Variants in ANKRD46 observed in about 807,000 individuals in gnomAD.
ANKRD46 encodes ankyrin repeat domain 46.
In ANKRD46, 13 loss-of-function variants were observed where a neutral mutation model predicts 19.8. The ratio of observed to expected loss-of-function variants is 0.66; its 90% CI spans 0.43 to 1.04. The LOEUF (loss-of-function observed/expected upper bound fraction) is 1.04. ANKRD46 is among the 50% of genes least tolerant of loss of function. ANKRD46 has a pLI of 0.00. For missense variants in ANKRD46, 185 were observed against 274.8 expected (o/e 0.67, Z 2.31); for synonymous variants, 91 against 106.9 (o/e 0.85, Z 0.92).
At position 100,534,720 on chromosome 8, in the gene ANKRD46, T is replaced by G. The variant is rs961465141; in HGVS notation, c.-130-1409A>C. Among the ~76,000 whole-genome samples, 2 of 152,244 alleles carry G rather than the reference T, an allele frequency of 1.3e-5. No homozygotes were observed. The highest frequency in any genetic ancestry group is 4.8e-5 in the African/African-American group (2 of 41,460). On this transcript the variant is annotated intron_variant, in intron 1 of 4. Transcript: ENST00000335659. This position sits in a 1 kb window ranked among gnomAD's most constrained non-coding sequence, Gnocchi z 4.2. Reference sequence around the variant, plus strand: ...TAGTTCATATGGTCATGCCCCCAAATAATCCTAATGTTCTCTTAAATCCAC... The same window carrying G: ...TAGTTCATATGGTCATGCCCCCAAAGAATCCTAATGTTCTCTTAAATCCAC...
At chr8:100,541,935 A>C (rs2130686234) in intron 1 of ANKRD46, among the ~76,000 whole-genome samples, 1 of 152,330 alleles carries the variant, frequency 6.6e-6, no homozygotes, top group African/African-American at 2.4e-5. Flanking sequence ...TAGGAACAAC[A>C]GGCCATACCA....
chr8:100,556,930 A>G (rs1812511606), intron 1 of ANKRD46: 1 of 152,076 alleles, frequency 6.6e-6, no homozygotes, highest in Admixed American at 6.5e-5. Context: ...ATTTCCTTAC[A>G]CTAGATCTCA....
rs115285930 is a variant in ANKRD46, at chr8:100,524,575, A to C, written c.471-1804T>G. ...ATGATGTTTTCAGTGGGAATCTACA[A>C]CACCACAGTAATTTTGGAACACTTG... On this transcript the variant is annotated intron_variant, in intron 4 of 4. Transcript: ENST00000335659. This position sits in a 1 kb window ranked among gnomAD's most constrained non-coding sequence, Gnocchi z 4.3. 6.6e-6 allele frequency among the ~76,000 whole-genome samples: 1 copy of C among 152,188 alleles called. No individual in the cohort carries two copies. The highest frequency in any genetic ancestry group is 1.9e-4 in the East Asian group (1 of 5,188).
intron 2 of ANKRD46, among the ~76,000 whole-genome samples, chr8:100,531,516 A>G (rs1168206395): frequency 6.6e-6 from 1 of 152,162 alleles, no homozygotes; most frequent in African/African-American, 2.4e-5. Context: ...GTGGGCATTA[A>G]CATACACTGA....
rs1247695505 is a variant in ANKRD46, at chr8:100,522,659, C to G, written c.583G>C (p.Val195Leu). The G allele has an allele frequency of 1.2e-6, 2 of 1,614,110 alleles. No individual in the cohort carries two copies. Among genetic ancestry groups the G allele is most frequent in the Non-Finnish European group, 1.7e-6 (2 of 1,180,032 alleles). Residue 195 changes from valine (V) to leucine (L), a missense_variant, in exon 5 of 5, where the codon GTA (valine) becomes CTA (leucine). By Grantham distance (32) the Val-to-Leu change is conservative. Coordinates refer to ENST00000335659, the MANE Select transcript of ANKRD46 (RefSeq NM_001270377.2). Reference sequence around the variant, plus strand: ...GCAATGACGAAGATCAACAGCAATACTCTCCAGAAGCCCAGATCCTCCACA... The same window carrying G: ...GCAATGACGAAGATCAACAGCAATAGTCTCCAGAAGCCCAGATCCTCCACA... ...EFVEDLGFWRVLLLIFVIALL... is the reference protein window; with the variant it reads ...EFVEDLGFWRLLLLIFVIALL...
chr8:100,556,823 T>C (rs1812509696), intron 1 of ANKRD46: 1 of 152,240 alleles, frequency 6.6e-6, no homozygotes, highest in African/African-American at 2.4e-5. Flanking sequence ...CAGTACTCCA[T>C]ACTCGCTTCT....
Position 100,520,889 on chromosome 8 carries a change from T to A in ANKRD46, c.*1666A>T. 1 of 984,164 alleles carries A rather than the reference T, an allele frequency of 1.0e-6. No individual in the cohort carries two copies. The highest frequency in any genetic ancestry group is 1.1e-4 in the East Asian group (1 of 8,818). The allele number at this position is 984,164 out of a possible 1,614,324, so 61.0% of individuals were successfully genotyped here. On this transcript the variant is annotated 3_prime_UTR_variant, in exon 5 of 5. Transcript: ENST00000335659. ...TTAATCTTTAAAAATGCTATATACT[T>A]ACATTTTGACCAATTTTGCATATTT...
intron 1 of ANKRD46, among the ~76,000 whole-genome samples, chr8:100,540,733 C>A (rs1184565900): frequency 6.6e-6 from 1 of 152,124 alleles, no homozygotes; most frequent in Non-Finnish European, 1.5e-5. Context: ...TAAGACAAAT[C>A]AAAATTAATT....
At chr8:100,526,958 G>T (rs1387844523) in intron 4 of ANKRD46, among the ~76,000 whole-genome samples, 1 of 151,948 alleles carries the variant, frequency 6.6e-6, no homozygotes, top group Non-Finnish European at 1.5e-5. Flanking sequence ...AAGAGGCTAT[G>T]GAAGCTCAGC....
chr8:100,549,071 T>C (rs1384463661), intron 1 of ANKRD46, among the ~76,000 whole-genome samples: 17 of 151,476 alleles, frequency 1.1e-4, no homozygotes, highest in Non-Finnish European at 2.5e-4. Flanking sequence ...GTAATTTGGG[T>C]ATTTCACACT....
rs139745913 is a variant in ANKRD46, at chr8:100,554,382, G to A, written c.-131+5329C>T. Among the ~76,000 whole-genome samples, 359 of 152,244 alleles carry A rather than the reference G, an allele frequency of 2.4e-3. 2 individuals carry two copies. Among genetic ancestry groups the A allele is most frequent in the Middle Eastern group, 0.01 (3 of 294 alleles). On this transcript the variant is annotated intron_variant, in intron 1 of 4. Transcript: ENST00000335659. ...AATTGATTTTGGTTTTAGATATAAA[G>A]TTTACATTGGTAATTCTAATGTCTG...
At chr8:100,535,778 G>T (rs1338411782) in intron 1 of ANKRD46, among the ~76,000 whole-genome samples, 2 of 152,162 alleles carry the variant, frequency 1.3e-5, no homozygotes, top group African/African-American at 2.4e-5. Flanking sequence ...CGTGGCATGG[G>T]TGTACCACAA....
chr8:100,514,151 T>C (rs1811591298), intron 5 of ANKRD46, among the ~76,000 whole-genome samples: 1 of 152,184 alleles, frequency 6.6e-6, no homozygotes, highest in Non-Finnish European at 1.5e-5. Context: ...AGAATTAGGC[T>C]AGCAATTATT....
intron 5 of ANKRD46, among the ~76,000 whole-genome samples, chr8:100,512,904 G>T: frequency 6.6e-6 from 1 of 152,132 alleles, no homozygotes; most frequent in East Asian, 1.9e-4. Context: ...GCTGGTTCGG[G>T]GGTTAGAAGC....
downstream of ANKRD46, among the ~76,000 whole-genome samples, chr8:100,519,274 A>T (rs1586777167): frequency 2.0e-5 from 3 of 152,338 alleles, no homozygotes; most frequent in South Asian, 6.2e-4. Context: ...GTTTGCATCA[A>T]AGTTTCCTAC....
intron 4 of ANKRD46, 57 bp from the exon 5 acceptor site, chr8:100,522,828 A>G: frequency 6.8e-7 from 1 of 1,463,506 alleles, no homozygotes; most frequent in Non-Finnish European, 9.5e-7. Flanking sequence ...TTCCAAAAAC[A>G]TAAAACCACA....
In ANKRD46 at chr8:100,543,187, C is replaced by T. The variant is rs1357327784; in HGVS notation, c.-130-9876G>A. Reference sequence around the variant, plus strand: ...AGTTTTAATAGCTACATAGCTCTTCCAGATTTGCTGCTTTCCAGGAAATGT... The same window carrying T: ...AGTTTTAATAGCTACATAGCTCTTCTAGATTTGCTGCTTTCCAGGAAATGT... On this transcript the variant is annotated intron_variant, in intron 1 of 4. Coordinates refer to ENST00000335659, the MANE Select transcript of ANKRD46 (RefSeq NM_001270377.2). The surrounding 1 kb of genome is among the most constrained non-coding windows in gnomAD (Gnocchi z 4.2). 6.6e-6 allele frequency among the ~76,000 whole-genome samples: 1 copy of T among 152,178 alleles called. No homozygotes were observed. Among genetic ancestry groups the T allele is most frequent in the African/African-American group, 2.4e-5 (1 of 41,440 alleles).
Position 100,524,191 on chromosome 8 carries a change from A to G in ANKRD46, c.471-1420T>C, listed in dbSNP as rs1171565195. On this transcript the variant is annotated intron_variant, in intron 4 of 4. Transcript: ENST00000335659. The surrounding 1 kb of genome is among the most constrained non-coding windows in gnomAD (Gnocchi z 4.3). ...CTAAGGGAAGAGCACTCATGGTTAT[A>G]TCACAACATACAGGCCCAATAAGAG... is the stretch of plus-strand genomic sequence containing the variant. 1.3e-5 allele frequency among the ~76,000 whole-genome samples: 2 copies of G among 152,216 alleles called. No individual in the cohort carries two copies. Among genetic ancestry groups the G allele is most frequent in the Non-Finnish European group, 2.9e-5 (2 of 68,034 alleles).
intron 2 of ANKRD46, among the ~76,000 whole-genome samples, chr8:100,530,664 C>T (rs551679844): frequency 2.4e-4 from 37 of 152,256 alleles, no homozygotes; most frequent in Non-Finnish European, 2.9e-5. Flanking sequence ...GGACTACAGG[C>T]GTGAGCCACC....
Sources: gnomAD v4.1 joint callset for allele counts (sites outside exome capture counted in the v4.1 genomes callset) on GRCh38, gnomAD v4.1.1 for gene constraint, Gnocchi (gnomAD v3.1) non-coding constraint, MANE v1.5 for transcripts, NCBI Gene and HGNC (gene_info 2026-07-23, HGNC 2026-07-21) for gene names.